WWOX: variants seen among roughly 807,000 people sequenced by gnomAD.
WWOX encodes the protein WW domain-containing oxidoreductase.
In WWOX, 69 loss-of-function variants were observed where a neutral mutation model predicts 46.2. The ratio of observed to expected loss-of-function variants is 1.49; its 90% CI spans 1.23 to 1.82. The LOEUF (loss-of-function observed/expected upper bound fraction) is 1.82. Among genes scored for constraint, WWOX ranks in the 40% most tolerant of loss-of-function variants. The probability of loss-of-function intolerance (pLI) is 0.00; values close to 1 mark genes in which losing one functional copy is unlikely to be tolerated. For synonymous variants in WWOX, 359 were observed against 202.6 expected (o/e 1.77, Z -6.56); for missense variants, 919 against 542.6 (o/e 1.69, Z -6.89).
chr16:78,657,589 C>T (rs567788940), intron 8 of WWOX, among the ~76,000 whole-genome samples: 1 of 152,158 alleles, frequency 6.6e-6, no homozygotes, highest in Non-Finnish European at 1.5e-5. Flanking sequence ...GCCAGAGGCC[C>T]ACAGCCTACT....
At chr16:78,367,888 C>G (rs1202642150) in intron 5 of WWOX, among the ~76,000 whole-genome samples, 5 of 152,088 alleles carry the variant, frequency 3.3e-5, no homozygotes, top group African/African-American at 1.2e-4. Context: ...TCCTGAGTAG[C>G]TGTGATTACA....
intron 8 of WWOX, among the ~76,000 whole-genome samples, chr16:78,543,017 C>A (rs550064477): frequency 2.6e-5 from 4 of 152,156 alleles, no homozygotes; most frequent in Admixed American, 2.0e-4. Flanking sequence ...GTGTATATGT[C>A]CAGAAGGGGA....
intron 8 of WWOX, among the ~76,000 whole-genome samples, chr16:78,781,290 C>T (rs1331578570): frequency 1.3e-5 from 2 of 152,050 alleles, no homozygotes; most frequent in Non-Finnish European, 2.9e-5. Flanking sequence ...GGAAATTCTG[C>T]ACCTCAATTT....
intron 8 of WWOX, among the ~76,000 whole-genome samples, chr16:78,575,016 TATATAA>T (rs1567655003): frequency 4.0e-4 from 5 of 12,530 alleles, no homozygotes; most frequent in Admixed American, 1.8e-3. Flanking sequence ...TATATATATA[TATATAA>T]ATATATATAT....
intron 8 of WWOX, among the ~76,000 whole-genome samples, chr16:78,678,561 A>C (rs1426852525): frequency 6.6e-6 from 1 of 152,216 alleles, no homozygotes; most frequent in African/African-American, 2.4e-5. Context: ...AGCTGAGTCC[A>C]TGCCAAGATG....
At chr16:78,795,750 T>A (rs555588619) in intron 8 of WWOX, among the ~76,000 whole-genome samples, 1 of 152,262 alleles carries the variant, frequency 6.6e-6, no homozygotes, top group Non-Finnish European at 1.5e-5. Context: ...AGGTTTTTCA[T>A]CTGTAAATGG....
At chr16:78,353,290 A>T (rs2081219476) in intron 5 of WWOX, among the ~76,000 whole-genome samples, 1 of 152,216 alleles carries the variant, frequency 6.6e-6, no homozygotes, top group East Asian at 1.9e-4. Context: ...TATTAGGATT[A>T]AGGGAAAATC....
intron 8 of WWOX, among the ~76,000 whole-genome samples, chr16:78,842,931 GGAAA>G (rs1021732826): frequency 1.3e-5 from 2 of 150,004 alleles, no homozygotes; most frequent in Non-Finnish European, 3.0e-5. Flanking sequence ...AAAGAAATAT[GGAAA>G]GAAATCTAAT....
In WWOX at chr16:78,984,624, A is replaced by G. The variant is rs563127131; in HGVS notation, c.1057-226984A>G. On this transcript the variant is annotated intron_variant, in intron 8 of 8. Transcript: ENST00000566780. ...GACATACTTCTACTCAAGTAAGTCAATGTTTCTGTCTCAACTGGTTGATTG... is the reference window on the plus strand; with the variant it reads ...GACATACTTCTACTCAAGTAAGTCAGTGTTTCTGTCTCAACTGGTTGATTG... Among the ~76,000 whole-genome samples the G allele has an allele frequency of 5.1e-4, 78 of 152,356 alleles. 1 individual carries two copies. The South Asian group carries it at 6.8e-3, about 13-fold the overall frequency.
At chr16:78,168,243 C>T (rs1186041174) in intron 5 of WWOX, 1 of 152,276 alleles carries the variant, frequency 6.6e-6, no homozygotes, top group African/African-American at 2.4e-5. Context: ...CCCATTCTTC[C>T]TCTTCCTGCC....
At chr16:79,053,145 G>A (rs776206961) in intron 8 of WWOX, among the ~76,000 whole-genome samples, 8 of 152,078 alleles carry the variant, frequency 5.3e-5, no homozygotes, top group African/African-American at 1.4e-4. Context: ...TGAACTCAAC[G>A]CTTTTAGGAA....
chr16:79,033,206 G>A (rs1029512822), intron 8 of WWOX, among the ~76,000 whole-genome samples: 44 of 145,600 alleles, frequency 3.0e-4, no homozygotes, highest in Admixed American at 2.5e-3. Flanking sequence ...ATAAATATGT[G>A]TATATATATA....
chr16:78,498,270 C>T (rs571386838), intron 8 of WWOX, among the ~76,000 whole-genome samples: 46 of 151,112 alleles, frequency 3.0e-4, no homozygotes, highest in Non-Finnish European at 6.6e-4. Flanking sequence ...AAAAATAATG[C>T]TGTTAGACTT....
At chr16:79,174,138 G>A (rs564448885) in intron 8 of WWOX, among the ~76,000 whole-genome samples, 6 of 152,280 alleles carry the variant, frequency 3.9e-5, no homozygotes, top group African/African-American at 1.2e-4. Flanking sequence ...GTCCTGAGAG[G>A]CAGGTTAGTG....
At chr16:78,409,671 G>T (rs545315542) in intron 6 of WWOX, among the ~76,000 whole-genome samples, 75 of 152,270 alleles carry the variant, frequency 4.9e-4, no homozygotes, top group African/African-American at 1.8e-3. Context: ...AGCTCTGTAG[G>T]TTAAAGATTT....
At chr16:78,563,490 AACACACACACACAC>A (rs61298369) in intron 8 of WWOX, among the ~76,000 whole-genome samples, 54 of 137,878 alleles carry the variant, frequency 3.9e-4, no homozygotes, top group Non-Finnish European at 6.9e-4. Flanking sequence ...CGTGTGGGTG[AACACACACACACAC>A]ACACACACAC....
intron 8 of WWOX, among the ~76,000 whole-genome samples, chr16:78,722,511 G>A (rs981812155): frequency 2.0e-5 from 3 of 152,118 alleles, no homozygotes; most frequent in Non-Finnish European, 2.9e-5. Context: ...TTGTGATTAT[G>A]ATCATATTTT....
At chr16:78,797,502 A>T (rs539568535) in intron 8 of WWOX, among the ~76,000 whole-genome samples, 2 of 152,078 alleles carry the variant, frequency 1.3e-5, no homozygotes, top group Non-Finnish European at 2.9e-5. Context: ...GGCAGCCTGG[A>T]GTCAAGACAA....
At chr16:78,122,524 A>G (rs539116962) in intron 4 of WWOX, among the ~76,000 whole-genome samples, 1 of 152,230 alleles carries the variant, frequency 6.6e-6, no homozygotes, top group African/African-American at 2.4e-5. Context: ...TTAAAACCCA[A>G]TTAAAATAAT....
Sources: gnomAD v4.1 joint callset for allele counts (sites outside exome capture counted in the v4.1 genomes callset) on GRCh38, gnomAD v4.1.1 for gene constraint, MANE v1.5 for transcripts, NCBI Gene and HGNC (gene_info 2026-07-23, HGNC 2026-07-21) for gene names.